Variants in UVSSA observed in about 807,000 individuals in gnomAD.
The protein encoded by UVSSA is UV-stimulated scaffold protein A.
Under a neutral mutation model 73.9 loss-of-function variants are expected in UVSSA, and 72 were observed. That is an observed-to-expected ratio of 0.97 (90% CI 0.81 to 1.19). The LOEUF (loss-of-function observed/expected upper bound fraction) is 1.19, where lower values mean the gene tolerates loss of function less well. UVSSA is among the 50% of genes most tolerant of loss of function. The pLI, the probability that UVSSA is intolerant of heterozygous loss-of-function variation, is 0.00. For missense variants in UVSSA, 1,150 were observed against 965.0 expected (o/e 1.19, Z -2.54); for synonymous variants, 454 against 391.3 (o/e 1.16, Z -1.89).
chr4:1,380,369 G>T, intron 11 of UVSSA, 139 bp downstream of exon 11: 1 of 1,191,626 alleles, frequency 8.4e-7, no homozygotes, highest in Non-Finnish European at 1.1e-6. Flanking sequence ...GGGCTTATCC[G>T]TGGTGGGCAG....
At chr4:1,351,212 C>A (rs901423711) in intron 3 of UVSSA, among the ~76,000 whole-genome samples, 2 of 151,184 alleles carry the variant, frequency 1.3e-5, no homozygotes, top group Non-Finnish European at 2.9e-5. Flanking sequence ...ACTACAAGCA[C>A]CCCCCACCAC....
At chr4:1,372,209 G>T (rs1264053320) in intron 8 of UVSSA, among the ~76,000 whole-genome samples, 1 of 152,070 alleles carries the variant, frequency 6.6e-6, no homozygotes, top group Admixed American at 6.5e-5. Context: ...TATCAAGTGG[G>T]TCTTCTTTAG....
chr4:1,387,154 T>C lies in UVSSA; in HGVS notation c.*1193T>C, dbSNP rs1431494517. On this transcript the variant is annotated 3_prime_UTR_variant, in exon 14 of 14. Coordinates refer to ENST00000389851, the MANE Select transcript of UVSSA (RefSeq NM_020894.4). ...GTGCAATGGCGTGATCTCGGCTCAC[T>C]GCAACTACCACCTCCTGGGTTCAAG... 3 of 152,136 alleles carry C rather than the reference T, an allele frequency of 2.0e-5. No homozygotes were observed. Among genetic ancestry groups the C allele is most frequent in the Non-Finnish European group, 2.9e-5 (2 of 68,046 alleles). 9.4% of individuals were successfully genotyped at this position (152,136 alleles called of 1,614,324 possible).
At chr4:1,361,876 AG>A (rs150866724) in intron 7 of UVSSA, among the ~76,000 whole-genome samples, 173 of 151,430 alleles carry the variant, frequency 1.1e-3, no homozygotes, top group Non-Finnish European at 2.0e-3. Flanking sequence ...TTTTATAAAA[AG>A]GGAAACAGAC....
At chr4:1,379,159 C>G (rs981068805) in intron 10 of UVSSA, among the ~76,000 whole-genome samples, 1 of 152,218 alleles carries the variant, frequency 6.6e-6, no homozygotes, top group Non-Finnish European at 1.5e-5. Flanking sequence ...GCCGACCGTT[C>G]CCCAGTCAGC....
At chr4:1,393,569 ATAGAT>A (rs1222438053) in exon 14 of UVSSA, 1 of 126,186 alleles carries the variant, frequency 7.9e-6, no homozygotes, top group African/African-American at 3.0e-5. Flanking sequence ...AGATAGATAG[ATAGAT>A]TAGATAGATA....
Position 1,366,450 on chromosome 4 carries a change from G to GT in UVSSA, c.1288+19_1288+20insT, listed in dbSNP as rs1487995111. The GT allele has an allele frequency of 1.1e-5, 16 of 1,486,778 alleles. No homozygotes were observed. Among genetic ancestry groups the GT allele is most frequent in the Non-Finnish European group, 8.9e-6 (10 of 1,123,706 alleles). The allele number at this position is 1,486,778 out of a possible 1,614,324, so 92.1% of individuals were successfully genotyped here. On this transcript the variant is annotated intron_variant, in intron 8 of 13. Coordinates refer to ENST00000389851, the MANE Select transcript of UVSSA (RefSeq NM_020894.4). Reference sequence around the variant, plus strand: ...GAGTATGGTGAGCAGTGGGTCCCGTGGGGGGGGCACCTGGGTGGAGGGTCC... The same window carrying GT: ...GAGTATGGTGAGCAGTGGGTCCCGTGTGGGGGGGCACCTGGGTGGAGGGTCC...
chr4:1,349,002 G>GT (rs1259026716), intron 2 of UVSSA, among the ~76,000 whole-genome samples: 4 of 95,752 alleles, frequency 4.2e-5, no homozygotes, highest in African/African-American at 1.5e-4. Context: ...GGCGGTGTGC[G>GT]TTGTGCCGGG....
At chr4:1,370,559 G>A (rs546080234) in intron 8 of UVSSA, among the ~76,000 whole-genome samples, 5 of 152,270 alleles carry the variant, frequency 3.3e-5, no homozygotes, top group African/African-American at 7.2e-5. Flanking sequence ...GAGCTCCCGA[G>A]CGGGACAGGC....
rs147609449 is a variant in UVSSA, at chr4:1,375,408, C to T, written c.1333C>T (p.Arg445Trp). ...GAAAGACACAGTTGTGCGGTGCTTG[C>T]GGACGAGGACGAGGATGGACGAGGA... Reference protein sequence around the residue: ...PEKDTVVRCLRTRTRMDEEVS... With the variant: ...PEKDTVVRCLWTRTRMDEEVS... The change falls in exon 9 of 14, where the codon CGG (arginine) becomes TGG (tryptophan). Residue 445 changes from arginine (R) to tryptophan (W), a missense_variant. Coordinates refer to ENST00000389851, the MANE Select transcript of UVSSA (RefSeq NM_020894.4). The T allele has an allele frequency of 1.4e-3, 2,216 of 1,613,544 alleles. 3 individuals carry two copies. The highest frequency in any genetic ancestry group is 1.8e-3 in the Non-Finnish European group (2,099 of 1,180,014).
chr4:1,344,710 GAAAA>G (rs1713552986), upstream of UVSSA, among the ~76,000 whole-genome samples: 1 of 152,170 alleles, frequency 6.6e-6, no homozygotes, highest in Non-Finnish European at 1.5e-5. Flanking sequence ...GGAGTGAAGA[GAAAA>G]AAGCGAATCA....
intron 7 of UVSSA, among the ~76,000 whole-genome samples, chr4:1,355,711 G>A (rs1008064252): frequency 1.3e-5 from 2 of 152,152 alleles, no homozygotes; most frequent in South Asian, 2.1e-4. Context: ...TGGGCCTTGC[G>A]AGGGGCTTGG....
chr4:1,352,927 A>G (rs1303188667), intron 4 of UVSSA, 103 bp from the exon 5 acceptor site: 2 of 1,458,948 alleles, frequency 1.4e-6, no homozygotes, highest in Non-Finnish European at 1.8e-6. Flanking sequence ...CTGGTGCTGA[A>G]AAGTGACACC....
At position 1,355,102 on chromosome 4, in the gene UVSSA, AC is replaced by A; in HGVS notation, c.1048-10del. 1 of 1,612,650 alleles carries A rather than the reference AC, an allele frequency of 6.2e-7. No homozygotes were observed. The highest frequency in any genetic ancestry group is 8.5e-7 in the Non-Finnish European group (1 of 1,179,530). On this transcript the variant is annotated splice_polypyrimidine_tract_variant and intron_variant, in intron 6 of 13. Coordinates refer to ENST00000389851, the MANE Select transcript of UVSSA (RefSeq NM_020894.4). The stretch of plus-strand genomic sequence containing the variant: ...CCCGGCCGGCCCCTGAGCTGTTCGC[AC>A]CCCCGTTTCGCAGCGCTTCACCCGC...
At chr4:1,380,509 C>T (rs1344803651) in intron 11 of UVSSA, 2 of 888,820 alleles carry the variant, frequency 2.3e-6, no homozygotes, top group Non-Finnish European at 3.3e-6. Flanking sequence ...TCCATGGTTG[C>T]AGCCCGGGTC....
chr4:1,380,853 A>G (rs1019614603), intron 11 of UVSSA, 27 bp from the exon 12 acceptor site: 1 of 1,603,596 alleles, frequency 6.2e-7, no homozygotes, highest in African/African-American at 1.3e-5. Flanking sequence ...CCTCCCCGCC[A>G]TCAGCCACCG....
At chr4:1,355,081 G>T in intron 6 of UVSSA, 36 bp from the exon 7 acceptor site, 2 of 1,607,438 alleles carry the variant, frequency 1.2e-6, no homozygotes, top group South Asian at 2.2e-5. Context: ...GTCCTGCCCG[G>T]CCGGCCCCTG....
At chr4:1,377,602 G>A (rs544444089) in intron 10 of UVSSA, among the ~76,000 whole-genome samples, 106 of 152,276 alleles carry the variant, frequency 7.0e-4, no homozygotes, top group African/African-American at 2.5e-3. Flanking sequence ...AGAAGCGGAT[G>A]CCCGTCCCTC....
chr4:1,362,937 T>C (rs1332141928), intron 7 of UVSSA, among the ~76,000 whole-genome samples: 1 of 152,248 alleles, frequency 6.6e-6, no homozygotes, highest in African/African-American at 2.4e-5. Context: ...CATCCCTGCC[T>C]GTCCCTGGCG....
Sources: gnomAD v4.1 joint callset for allele counts (sites outside exome capture counted in the v4.1 genomes callset) on GRCh38, gnomAD v4.1.1 for gene constraint, MANE v1.5 for transcripts, NCBI Gene and HGNC (gene_info 2026-07-23, HGNC 2026-07-21) for gene names.